The following ZNF385D variants were observed in gnomAD, a reference collection of about 807,000 sequenced individuals.
ZNF385D encodes zinc finger protein 659.
ZNF385D carries 15 observed loss-of-function variants against 35.8 expected under a neutral mutation model. The observed-to-expected ratio is 0.42, with a 90% CI of 0.28 to 0.64. ZNF385D has a LOEUF of 0.64. Among genes scored for constraint, ZNF385D ranks in the 30% least tolerant of loss-of-function variants. The pLI, the probability that ZNF385D is intolerant of heterozygous loss-of-function variation, is 0.23. For missense variants in ZNF385D, 474 were observed against 494.6 expected (o/e 0.96, Z 0.39); for synonymous variants, 212 against 186.8 (o/e 1.13, Z -1.10).
At chr3:21,568,779 G>A in intron 2 of ZNF385D, among the ~76,000 whole-genome samples, 1 of 152,186 alleles carries the variant, frequency 6.6e-6, no homozygotes, top group East Asian at 1.9e-4. Context: ...AGAAAATACT[G>A]ATCTGAGAAA....
chr3:22,248,157 ATT>A (rs1699886381), intron 2 of ZNF385D, among the ~76,000 whole-genome samples: 1 of 152,126 alleles, frequency 6.6e-6, no homozygotes, highest in Admixed American at 6.5e-5. Flanking sequence ...AACATTTTGT[ATT>A]CTAGTGTAAT....
intron 3 of ZNF385D, among the ~76,000 whole-genome samples, chr3:22,009,462 A>G (rs1352454582): frequency 6.6e-6 from 1 of 152,006 alleles, no homozygotes; most frequent in Non-Finnish European, 1.5e-5. Context: ...TCTCTACTAA[A>G]AATACCAAAA....
intron 2 of ZNF385D, among the ~76,000 whole-genome samples, chr3:22,366,689 A>G (rs943058366): frequency 2.0e-5 from 3 of 152,228 alleles, no homozygotes; most frequent in Non-Finnish European, 4.4e-5. Flanking sequence ...AAAATACATT[A>G]GTTCGTAATC....
intron 5 of ZNF385D, among the ~76,000 whole-genome samples, chr3:21,431,570 C>G (rs1181848856): frequency 6.6e-6 from 1 of 152,130 alleles, no homozygotes; most frequent in Non-Finnish European, 1.5e-5. Flanking sequence ...TAAATAGCCA[C>G]CTGAGGCTAG....
At chr3:21,736,728 G>A (rs1174733997) in intron 1 of ZNF385D, among the ~76,000 whole-genome samples, 3 of 152,126 alleles carry the variant, frequency 2.0e-5, no homozygotes, top group East Asian at 3.9e-4. Flanking sequence ...GGGGAGGGGA[G>A]AGCAAGGACA....
At chr3:21,651,747 C>G (rs1483083501) in intron 2 of ZNF385D, among the ~76,000 whole-genome samples, 1 of 152,132 alleles carries the variant, frequency 6.6e-6, no homozygotes, top group East Asian at 1.9e-4. Context: ...TCAACTCTTC[C>G]TAATACTCAG....
intron 2 of ZNF385D, among the ~76,000 whole-genome samples, chr3:22,247,333 A>C (rs1699838515): frequency 6.6e-6 from 1 of 152,132 alleles, no homozygotes; most frequent in Non-Finnish European, 1.5e-5. Context: ...TACAGTAGAA[A>C]GTGTGTATAT....
chr3:21,560,141 T>C (rs1409677581), intron 3 of ZNF385D, among the ~76,000 whole-genome samples: 1 of 152,200 alleles, frequency 6.6e-6, no homozygotes, highest in African/African-American at 2.4e-5. Context: ...ATTACCCACC[T>C]TCTGAAGCCT....
chr3:21,870,465 G>A (rs916871296), intron 3 of ZNF385D, among the ~76,000 whole-genome samples: 1 of 152,128 alleles, frequency 6.6e-6, no homozygotes, highest in Admixed American at 6.5e-5. Context: ...CAATCCTTGC[G>A]GCTACTTATC....
intron 1 of ZNF385D, among the ~76,000 whole-genome samples, chr3:21,750,300 G>A (rs982006292): frequency 4.6e-5 from 7 of 152,154 alleles, no homozygotes; most frequent in African/African-American, 1.4e-4. Flanking sequence ...AAACTGACCT[G>A]CACAAATATT....
chr3:21,680,820 A>AT (rs142568678), intron 1 of ZNF385D, among the ~76,000 whole-genome samples: 17 of 151,342 alleles, frequency 1.1e-4, no homozygotes, highest in Middle Eastern at 3.4e-3. Context: ...TTAGTTGGTT[A>AT]TTTTTTTTTC....
At chr3:21,498,053 A>G (rs1166742290) in intron 4 of ZNF385D, among the ~76,000 whole-genome samples, 1 of 152,128 alleles carries the variant, frequency 6.6e-6, no homozygotes, top group Non-Finnish European at 1.5e-5. Flanking sequence ...GAAAGCCCAG[A>G]AATAATGCTT....
intron 2 of ZNF385D, among the ~76,000 whole-genome samples, chr3:22,183,355 TA>T (rs1260383791): frequency 6.6e-6 from 1 of 152,154 alleles, no homozygotes; most frequent in East Asian, 1.9e-4. Flanking sequence ...TTTATTTACT[TA>T]TTTTTTTAAT....
intron 3 of ZNF385D, among the ~76,000 whole-genome samples, chr3:21,919,477 A>G (rs1203907144): frequency 6.6e-6 from 1 of 152,212 alleles, no homozygotes; most frequent in Non-Finnish European, 1.5e-5. Context: ...CACTATATGT[A>G]AATCATATCT....
chr3:21,443,141 A>G (rs979624653), intron 4 of ZNF385D: 1 of 985,212 alleles, frequency 1.0e-6, no homozygotes, highest in African/African-American at 1.7e-5. Context: ...GGCTGTGGAG[A>G]AATCAAGTGC....
chr3:21,430,857 T>C (rs1701262017), intron 5 of ZNF385D, among the ~76,000 whole-genome samples: 1 of 152,174 alleles, frequency 6.6e-6, no homozygotes, highest in African/African-American at 2.4e-5. Flanking sequence ...ATGGACAAAT[T>C]AATCACACTT....
intron 3 of ZNF385D, among the ~76,000 whole-genome samples, chr3:21,562,843 C>T (rs544210657): frequency 9.2e-5 from 14 of 151,748 alleles, no homozygotes; most frequent in Middle Eastern, 3.4e-3. Flanking sequence ...TTTTTAACAA[C>T]AGCTTGAAGA....
rs141532405 is a variant in ZNF385D, at chr3:22,134,563, T to C, written c.325+34254A>G. Among the ~76,000 whole-genome samples, 872 of 152,284 alleles carry C rather than the reference T, an allele frequency of 5.7e-3. 8 individuals are homozygous for C. The highest frequency in any genetic ancestry group is 0.017 in the African/African-American group (718 of 41,566). ...CAAACAGTGGCAGAATACATATTTT[T>C]TCAAGCATACATGGGACATTTACTA... is the stretch of plus-strand genomic sequence containing the variant. On this transcript the variant is annotated intron_variant, in intron 3 of 5. Coordinates refer to the ZNF385D transcript ENST00000494108.
chr3:22,003,711 A>C (rs1051299310), intron 3 of ZNF385D, among the ~76,000 whole-genome samples: 5 of 152,086 alleles, frequency 3.3e-5, no homozygotes, highest in Non-Finnish European at 5.9e-5. Flanking sequence ...TACTAAAAAT[A>C]CAAAAATTAG....
Sources: allele counts gnomAD v4.1 joint callset (sites outside exome capture counted in the v4.1 genomes callset), GRCh38; gene constraint gnomAD v4.1.1; transcripts MANE v1.5; gene names NCBI Gene and HGNC (gene_info 2026-07-23, HGNC 2026-07-21).